The following P4HA3 variants were observed in gnomAD, a reference collection of about 807,000 sequenced individuals.
P4HA3 encodes prolyl 4-hydroxylase subunit alpha 3, also known as prolyl 4-hydroxylase subunit alpha-3.
P4HA3 carries 60 observed loss-of-function variants against 66.7 expected under a neutral mutation model. That is an observed-to-expected ratio of 0.90 (90% CI 0.73 to 1.12). The LOEUF is 1.12. Among genes scored for constraint, P4HA3 ranks in the 50% most tolerant of loss-of-function variants. The probability of loss-of-function intolerance (pLI) is 0.00; values close to 1 mark genes in which losing one functional copy is unlikely to be tolerated. For missense variants in P4HA3, 683 were observed against 685.8 expected (o/e 1.00, Z 0.05); for synonymous variants, 263 against 274.6 (o/e 0.96, Z 0.42).
intron 6 of P4HA3, 41 bp downstream of exon 6, chr11:74,286,187 G>C (rs758989517): frequency 1.3e-6 from 2 of 1,596,534 alleles, no homozygotes; most frequent in Non-Finnish European, 8.5e-7. Context: ...TCAAACTCTA[G>C]CCAGGCCTCT....
intron 3 of P4HA3, among the ~76,000 whole-genome samples, chr11:74,301,321 T>C (rs1381672469): frequency 1.3e-4 from 20 of 152,096 alleles, no homozygotes; most frequent in Admixed American, 1.0e-3. Context: ...TTCCAGGAAG[T>C]GACTTACTAA....
At chr11:74,287,477 G>A (rs1860839128) in intron 5 of P4HA3, among the ~76,000 whole-genome samples, 2 of 152,090 alleles carry the variant, frequency 1.3e-5, no homozygotes, top group Admixed American at 1.3e-4. Context: ...AAATTTGAGT[G>A]GATAGCAAAG....
intron 1 of P4HA3, among the ~76,000 whole-genome samples, chr11:74,304,698 C>G (rs1456983492): frequency 6.6e-6 from 1 of 152,178 alleles, no homozygotes; most frequent in Non-Finnish European, 1.5e-5. Context: ...CAGGGTCCAG[C>G]TCTCAAAGGG....
intron 15 of P4HA3, chr11:74,251,341 A>C: frequency 1.1e-5 from 15 of 1,358,000 alleles, no homozygotes; most frequent in Non-Finnish European, 1.4e-5. Context: ...TCCCTAAACC[A>C]CAGGCACAGT....
intron 3 of P4HA3, among the ~76,000 whole-genome samples, chr11:74,299,680 AAAAC>A (rs1861342035): frequency 6.6e-6 from 1 of 151,876 alleles, no homozygotes; most frequent in Non-Finnish European, 1.5e-5. Flanking sequence ...AAAAAAAAAA[AAAAC>A]AACAGAAAAT....
At chr11:74,311,107 G>A (rs1861726938) in intron 1 of P4HA3, among the ~76,000 whole-genome samples, 1 of 152,018 alleles carries the variant, frequency 6.6e-6, no homozygotes, top group Admixed American at 6.5e-5. Context: ...CTGGATATGG[G>A]GGGTGCCACT....
At chr11:74,256,862 A>G (rs1232156139) in intron 15 of P4HA3, among the ~76,000 whole-genome samples, 1 of 152,194 alleles carries the variant, frequency 6.6e-6, no homozygotes, top group African/African-American at 2.4e-5. Flanking sequence ...AGACAAAGCC[A>G]TGAGGGGAAT....
intron 4 of P4HA3, among the ~76,000 whole-genome samples, chr11:74,290,639 A>G (rs997816829): frequency 2.0e-5 from 3 of 151,964 alleles, no homozygotes; most frequent in African/African-American, 7.3e-5. Flanking sequence ...TAAGGAAGGG[A>G]TCCAGTTTCA....
intron 4 of P4HA3, among the ~76,000 whole-genome samples, chr11:74,293,960 G>A (rs560405330): frequency 7.0e-4 from 106 of 152,190 alleles, no homozygotes; most frequent in African/African-American, 2.0e-3. Flanking sequence ...TCTTTGTGGC[G>A]TTCTGTGTAT....
At position 74,276,959 on chromosome 11, in the gene P4HA3, G is replaced by C. The variant is rs776580591; in HGVS notation, c.1335+26C>G. 6.9e-6 allele frequency: 11 copies of C among 1,598,150 alleles called. No homozygotes were observed. The East Asian group carries it at 2.3e-4, about 33-fold the overall frequency. On this transcript the variant is annotated intron_variant, in intron 9 of 12. Transcript: ENST00000331597. ...TAATGCCCTGGCTCCCTACCCCAGGGGATTGGTCATTGACTCCACCATTAC... is the reference window on the plus strand; with the variant it reads ...TAATGCCCTGGCTCCCTACCCCAGGCGATTGGTCATTGACTCCACCATTAC...
At chr11:74,287,662 C>A (rs1860845784) in intron 5 of P4HA3, among the ~76,000 whole-genome samples, 1 of 152,174 alleles carries the variant, frequency 6.6e-6, no homozygotes, top group South Asian at 2.1e-4. Flanking sequence ...TGTATACATG[C>A]AATTATAAAG....
At chr11:74,262,617 C>T (rs1347599312), downstream of P4HA3, among the ~76,000 whole-genome samples, 1 of 152,178 alleles carries the variant, frequency 6.6e-6, no homozygotes. Context: ...GAGATGATAA[C>T]TGTTGTGAAT....
chr11:74,291,524 C>T lies in P4HA3; in HGVS notation c.718-2394G>A, dbSNP rs368229149. ...AGAGAGGGCATCCCTGTCTTGTACC[C>T]GTTTTCAAAGGGAATGCTTCCAGTT... On this transcript the variant is annotated intron_variant, in intron 4 of 12. Transcript: ENST00000331597. Among the ~76,000 whole-genome samples the T allele has an allele frequency of 3.9e-5, 6 of 152,060 alleles. No individual in the cohort carries two copies. The East Asian group carries it at 9.6e-4, about 24-fold the overall frequency.
At chr11:74,264,949 C>T (rs561128962), downstream of P4HA3, among the ~76,000 whole-genome samples, 12 of 152,274 alleles carry the variant, frequency 7.9e-5, no homozygotes, top group African/African-American at 2.6e-4. Flanking sequence ...TTGATAACTG[C>T]CCCATCTCAG....
intron 4 of P4HA3, among the ~76,000 whole-genome samples, chr11:74,295,862 TG>T (rs1326433773): frequency 2.6e-5 from 4 of 152,246 alleles, no homozygotes; most frequent in Non-Finnish European, 5.9e-5. Flanking sequence ...ATGAATATCT[TG>T]TAATGTCAAA....
intron 10 of P4HA3, among the ~76,000 whole-genome samples, chr11:74,271,318 C>G (rs1217326814): frequency 1.3e-5 from 2 of 152,180 alleles, no homozygotes; most frequent in African/African-American, 4.8e-5. Flanking sequence ...TATTCTAGCC[C>G]TTGTCAGTAA....
intron 9 of P4HA3, among the ~76,000 whole-genome samples, chr11:74,274,364 G>A (rs908221972): frequency 1.3e-5 from 2 of 148,528 alleles, no homozygotes; most frequent in African/African-American, 5.0e-5. Context: ...GGAGTGCAGT[G>A]GCGTGATCTC....
chr11:74,303,129 T>A (rs1166618434), intron 2 of P4HA3, among the ~76,000 whole-genome samples: 3 of 151,970 alleles, frequency 2.0e-5, no homozygotes, highest in Non-Finnish European at 1.5e-5. Flanking sequence ...TTTAAATAAA[T>A]TTTTTTGTAG....
Position 74,302,560 on chromosome 11 carries a change from C to A in P4HA3, c.376G>T (p.Asp126Tyr). Reference sequence around the variant, plus strand: ...TCAAGGTCCTCAAAGGCTGGAAGGTCTTGCTCCACCTTCTCATAGCCATCC... The same window carrying A: ...TCAAGGTCCTCAAAGGCTGGAAGGTATTGCTCCACCTTCTCATAGCCATCC... ...LKDGYEKVEQ[D>Y]LPAFEDLEGA... Residue 126 changes from aspartate to tyrosine, a missense_variant, in exon 3 of 13, where the codon GAC becomes TAC. Transcript: ENST00000331597. 1 of 1,614,154 alleles carries A rather than the reference C, an allele frequency of 6.2e-7. No individual in the cohort carries two copies. The highest frequency in any genetic ancestry group is 8.5e-7 in the Non-Finnish European group (1 of 1,180,018).
Sources: allele counts gnomAD v4.1 joint callset (sites outside exome capture counted in the v4.1 genomes callset), GRCh38; gene constraint gnomAD v4.1.1; transcripts MANE v1.5; gene names NCBI Gene and HGNC (gene_info 2026-07-23, HGNC 2026-07-21).